HLCS: variants seen among roughly 807,000 people sequenced by gnomAD.
HLCS encodes the protein holocarboxylase synthetase.
In HLCS, 53 loss-of-function variants were observed where a neutral mutation model predicts 75.0. That is an observed-to-expected ratio of 0.71 (90% CI 0.57 to 0.89). The LOEUF is 0.89. HLCS is among the 40% of genes least tolerant of loss of function. The pLI is 0.00. For synonymous variants in HLCS, 431 were observed against 428.6 expected (o/e 1.01, Z -0.07); for missense variants, 966 against 1,074.0 (o/e 0.90, Z 1.41).
intron 10 of HLCS, among the ~76,000 whole-genome samples, chr21:36,756,266 A>C (rs187818323): frequency 1.3e-5 from 2 of 151,504 alleles, no homozygotes; most frequent in Admixed American, 1.3e-4. Context: ...GTGAAACCCC[A>C]CCTCCACTAA....
At chr21:36,817,136 G>A (rs1258636289) in intron 6 of HLCS, among the ~76,000 whole-genome samples, 1 of 152,132 alleles carries the variant, frequency 6.6e-6, no homozygotes, top group Non-Finnish European at 1.5e-5. Context: ...AGCAGATAAC[G>A]GATGCATTAC....
intron 6 of HLCS, among the ~76,000 whole-genome samples, chr21:36,804,708 C>A (rs1452048683): frequency 2.6e-5 from 4 of 152,118 alleles, no homozygotes; most frequent in Non-Finnish European, 5.9e-5. Context: ...CTGGCCAGAA[C>A]GTGGGCAAGT....
chr21:36,975,013 G>C (rs566127340), intron 1 of HLCS: 2 of 152,270 alleles, frequency 1.3e-5, no homozygotes, highest in African/African-American at 4.8e-5. Flanking sequence ...CTTCCTTGGT[G>C]ACCTCTGGCA....
At chr21:36,879,818 G>A (rs1002791201) in intron 6 of HLCS, among the ~76,000 whole-genome samples, 50 of 152,122 alleles carry the variant, frequency 3.3e-4, no homozygotes, top group African/African-American at 1.2e-3. Flanking sequence ...GCTGAGGTGG[G>A]AGGACTGCTT....
At chr21:36,989,049 T>TTTG (rs1569279192) in intron 1 of HLCS, among the ~76,000 whole-genome samples, 1 of 149,912 alleles carries the variant, frequency 6.7e-6, no homozygotes, top group Non-Finnish European at 1.5e-5. Flanking sequence ...TTTATTTATT[T>TTTG]TTTTTGAGAC....
intron 6 of HLCS, among the ~76,000 whole-genome samples, chr21:36,847,918 T>C (rs539205981): frequency 2.0e-5 from 3 of 152,370 alleles, no homozygotes; most frequent in African/African-American, 7.2e-5. Context: ...TATTTACTTT[T>C]CGAAAACAAA....
intron 6 of HLCS, among the ~76,000 whole-genome samples, chr21:36,810,253 G>A (rs927218864): frequency 6.6e-6 from 1 of 152,166 alleles, no homozygotes; most frequent in African/African-American, 2.4e-5. Flanking sequence ...GATTTTTCTT[G>A]GATGACTGTT....
At chr21:36,904,307 CATT>C (rs554812128) in intron 5 of HLCS, among the ~76,000 whole-genome samples, 129 of 152,334 alleles carry the variant, frequency 8.5e-4, no homozygotes, top group African/African-American at 2.9e-3. Context: ...ATTACATCAT[CATT>C]GTTATGTCTA....
chr21:36,843,707 A>G (rs1249733290), intron 6 of HLCS, among the ~76,000 whole-genome samples: 9 of 152,204 alleles, frequency 5.9e-5, no homozygotes, highest in Non-Finnish European at 4.4e-5. Flanking sequence ...ATTCACTTCT[A>G]AAATGTCAAA....
chr21:36,929,742 G>T (rs757895779), intron 5 of HLCS, among the ~76,000 whole-genome samples: 1 of 152,212 alleles, frequency 6.6e-6, no homozygotes, highest in Non-Finnish European at 1.5e-5. Context: ...CCAAAACCAG[G>T]TATCAATCAC....
At chr21:36,922,652 G>A (rs1294538803) in intron 5 of HLCS, among the ~76,000 whole-genome samples, 1 of 152,136 alleles carries the variant, frequency 6.6e-6, no homozygotes, top group Non-Finnish European at 1.5e-5. Context: ...GAGGAAGCCC[G>A]CAAAATCCTC....
intron 6 of HLCS, among the ~76,000 whole-genome samples, chr21:36,880,847 C>A (rs1448044207): frequency 6.6e-6 from 1 of 152,188 alleles, no homozygotes; most frequent in Non-Finnish European, 1.5e-5. Flanking sequence ...CTCCTTAGGG[C>A]GTGGGAGCCG....
At chr21:36,868,066 G>A (rs959602470) in intron 6 of HLCS, among the ~76,000 whole-genome samples, 2 of 151,884 alleles carry the variant, frequency 1.3e-5, no homozygotes, top group South Asian at 2.1e-4. Flanking sequence ...CAGGAGAATC[G>A]TTTGAATGGG....
chr21:36,954,143 T>TA (rs548769878), intron 2 of HLCS, among the ~76,000 whole-genome samples: 30 of 151,940 alleles, frequency 2.0e-4, no homozygotes, highest in South Asian at 6.2e-4. Flanking sequence ...CCGCCTCTAC[T>TA]AAAAATACAA....
chr21:36,810,692 CAGAAGA>C (rs997740115), intron 6 of HLCS, among the ~76,000 whole-genome samples: 1 of 152,204 alleles, frequency 6.6e-6, no homozygotes, highest in African/African-American at 2.4e-5. Flanking sequence ...CTGCCATTCT[CAGAAGA>C]AGAAGTTCCC....
At position 36,936,452 on chromosome 21, in the gene HLCS, G is replaced by C; in HGVS notation, c.1434C>G (p.Cys478Trp). Residue 478 changes from cysteine (C) to tryptophan (W), a missense_variant, in exon 4 of 11, where the codon TGC (cysteine) becomes TGG (tryptophan). Cys to Trp is a radical substitution (Grantham distance 215). Transcript: ENST00000674895. ...AAATCCATGCTGCCCTGAGTACCTG[G>C]CAAAGAACAGCTTCTCCCCCGCGAG... is the stretch of plus-strand genomic sequence containing the variant. ...FGTRGGEAVL[C>W]QVHLELPPSS... The C allele has an allele frequency of 6.2e-7, 1 of 1,612,870 alleles. No individual in the cohort carries two copies. The highest frequency in any genetic ancestry group is 8.5e-7 in the Non-Finnish European group (1 of 1,178,880).
chr21:36,765,011 C>T lies in HLCS; in HGVS notation c.2121+1G>A, dbSNP rs1175936807. 5 of 1,614,212 alleles carry T rather than the reference C, an allele frequency of 3.1e-6. No homozygotes were observed. The highest frequency in any genetic ancestry group is 2.2e-5 in the East Asian group (1 of 44,884). On this transcript the variant is annotated splice_donor_variant, in intron 8 of 10. Transcript: ENST00000674895. LOFTEE classifies it high-confidence loss of function. ...ATAGAAGGAGACTGAACTGTACCTA[C>T]CTGATACTCGGGAATGGACCTCACT...
At chr21:36,930,008 G>A (rs544780287) in intron 5 of HLCS, among the ~76,000 whole-genome samples, 2 of 152,270 alleles carry the variant, frequency 1.3e-5, no homozygotes, top group South Asian at 2.1e-4. Context: ...TCCCCCTAAC[G>A]TGGAAAGGGC....
intron 6 of HLCS, among the ~76,000 whole-genome samples, chr21:36,847,369 C>T (rs1301906655): frequency 1.3e-5 from 2 of 152,298 alleles, no homozygotes; most frequent in Middle Eastern, 3.4e-3. Flanking sequence ...TGAGTTCTAG[C>T]ACAGACTCGT....
Sources: gnomAD v4.1 joint callset for allele counts (sites outside exome capture counted in the v4.1 genomes callset) on GRCh38, gnomAD v4.1.1 for gene constraint, MANE v1.5 for transcripts, NCBI Gene and HGNC (gene_info 2026-07-23, HGNC 2026-07-21) for gene names.